CSNK1A1: variants seen among roughly 807,000 people sequenced by gnomAD.
CSNK1A1 encodes casein kinase 1 alpha 1, also known as casein kinase I isoform alpha.
In CSNK1A1, 7 loss-of-function variants were observed where a neutral mutation model predicts 46.1. The ratio of observed to expected loss-of-function variants is 0.15; its 90% CI spans 0.09 to 0.29. CSNK1A1 has a LOEUF of 0.29. Among genes scored for constraint, CSNK1A1 ranks in the 10% least tolerant of loss-of-function variants. The pLI, the probability that CSNK1A1 is intolerant of heterozygous loss-of-function variation, is 1.00. For synonymous variants in CSNK1A1, 137 were observed against 141.5 expected (o/e 0.97, Z 0.23); for missense variants, 96 against 417.1 (o/e 0.23, Z 6.71).
intron 4 of CSNK1A1, among the ~76,000 whole-genome samples, chr5:149,518,458 A>G (rs1344852101): frequency 6.6e-6 from 1 of 152,156 alleles, no homozygotes; most frequent in African/African-American, 2.4e-5. Context: ...CATGAATAGA[A>G]AACTACTGGA....
chr5:149,518,549 T>G (rs937448638), intron 4 of CSNK1A1, among the ~76,000 whole-genome samples: 1 of 152,124 alleles, frequency 6.6e-6, no homozygotes, highest in African/African-American at 2.4e-5. Context: ...ATCAACTACA[T>G]AAACAAAACA....
At chr5:149,534,372 C>T (rs1017476854) in intron 2 of CSNK1A1, among the ~76,000 whole-genome samples, 5 of 150,550 alleles carry the variant, frequency 3.3e-5, no homozygotes, top group Non-Finnish European at 7.4e-5. Flanking sequence ...GTCCCAGCTA[C>T]TCTCGGGAGG....
At chr5:149,499,011 T>G in intron 9 of CSNK1A1, 2 of 985,450 alleles carry the variant, frequency 2.0e-6, no homozygotes, top group Non-Finnish European at 2.4e-6. Flanking sequence ...CAAATCCAGC[T>G]TTAACTCTTC....
At chr5:149,505,630 A>C (rs1477136284) in intron 8 of CSNK1A1, 35 bp from the exon 9 acceptor site, 1 of 1,572,510 alleles carries the variant, frequency 6.4e-7, no homozygotes, top group Non-Finnish European at 8.7e-7. Flanking sequence ...TTAATCCTTT[A>C]ATAACAGAGT....
Position 149,550,767 on chromosome 5 carries a change from T to C in CSNK1A1, c.123+75A>G, listed in dbSNP as rs1762633084. ...TGCGATGAGGAGAGGCCCGAGCACTTTGGGGGTGCACGGTGGTGGTGGGGG... is the reference window on the plus strand; with the variant it reads ...TGCGATGAGGAGAGGCCCGAGCACTCTGGGGGTGCACGGTGGTGGTGGGGG... On this transcript the variant is annotated intron_variant, in intron 1 of 9. Coordinates refer to ENST00000377843, the MANE Select transcript of CSNK1A1 (RefSeq NM_001892.6). The surrounding 1 kb of genome is among the most constrained non-coding windows in gnomAD (Gnocchi z 4.3). 18 of 1,599,476 alleles carry C rather than the reference T, an allele frequency of 1.1e-5. No individual in the cohort carries two copies. Among genetic ancestry groups the C allele is most frequent in the Non-Finnish European group, 1.2e-5 (14 of 1,170,488 alleles).
chr5:149,509,322 A>G (rs561895466), intron 7 of CSNK1A1, among the ~76,000 whole-genome samples: 1 of 152,338 alleles, frequency 6.6e-6, no homozygotes, highest in Admixed American at 6.5e-5. Context: ...ACCTAATTCA[A>G]TGTTACAAGT....
intron 2 of CSNK1A1, among the ~76,000 whole-genome samples, chr5:149,544,758 T>TATATATATATATATATACATATACAC (rs150989849): frequency 7.7e-6 from 1 of 129,284 alleles, no homozygotes; most frequent in African/African-American, 3.2e-5. Flanking sequence ...TATATATATA[T>TATATATATATATATATACATATACAC]ATATATAGTT....
chr5:149,525,490 T>G lies in CSNK1A1; in HGVS notation c.231-319A>C, dbSNP rs867528913. Among the ~76,000 whole-genome samples the G allele has an allele frequency of 6.6e-6, 1 of 152,214 alleles. No individual in the cohort carries two copies. Among genetic ancestry groups the G allele is most frequent in the Non-Finnish European group, 1.5e-5 (1 of 68,042 alleles). On this transcript the variant is annotated intron_variant, in intron 2 of 9. Coordinates refer to ENST00000377843, the MANE Select transcript of CSNK1A1 (RefSeq NM_001892.6). The surrounding 1 kb of genome is among the most constrained non-coding windows in gnomAD (Gnocchi z 4.2). ...ATTCCTATGGCCTTTACCAAATTCCTTAATCTCACCTGAATTTACTTTGTA... is the reference window on the plus strand; with the variant it reads ...ATTCCTATGGCCTTTACCAAATTCCGTAATCTCACCTGAATTTACTTTGTA...
chr5:149,539,020 A>C (rs116834536), intron 2 of CSNK1A1, among the ~76,000 whole-genome samples: 51 of 152,172 alleles, frequency 3.4e-4, no homozygotes, highest in Admixed American at 5.2e-4. Context: ...AACACAAGAT[A>C]CCTCTATGAG....
Position 149,550,323 on chromosome 5 carries a change from A to C in CSNK1A1, c.124-142T>G. 1 of 1,447,682 alleles carries C rather than the reference A, an allele frequency of 6.9e-7. No homozygotes were observed. The highest frequency in any genetic ancestry group is 9.0e-7 in the Non-Finnish European group (1 of 1,105,566). The allele number at this position is 1,447,682 out of a possible 1,614,324, so 89.7% of individuals were successfully genotyped here. A position where few individuals can be genotyped will look rare whatever the true frequency, so the allele number is the denominator to read the frequency against. ...TGGAAAGAGAAAGCTCTCGGTAATT[A>C]TAAAACGAGGCAACCAGCCTCAAAG... On this transcript the variant is annotated intron_variant, in intron 1 of 9. Transcript: ENST00000377843. This position sits in a 1 kb window ranked among gnomAD's most constrained non-coding sequence, Gnocchi z 4.3.
chr5:149,509,204 G>A (rs1239682738), intron 7 of CSNK1A1, among the ~76,000 whole-genome samples: 1 of 150,880 alleles, frequency 6.6e-6, no homozygotes, highest in Non-Finnish European at 1.5e-5. Context: ...CCTCAACTGT[G>A]AGCCACTGTG....
rs1457090300 is a variant in CSNK1A1, at chr5:149,513,059, T to C, written c.596+11A>G. 1.2e-6 allele frequency: 2 copies of C among 1,612,990 alleles called. No homozygotes were observed. Among genetic ancestry groups the C allele is most frequent in the African/African-American group, 1.3e-5 (1 of 74,882 alleles). On this transcript the variant is annotated intron_variant, in intron 5 of 9. Coordinates refer to ENST00000377843, the MANE Select transcript of CSNK1A1 (RefSeq NM_001892.6). ...ATGGCTATGATAAGCACATTCCATT[T>C]TCGAACTTACCTCTGCTCAATACCA...
chr5:149,511,612 G>C (rs1761226406), intron 6 of CSNK1A1, among the ~76,000 whole-genome samples, 182 bp downstream of exon 6: 1 of 152,118 alleles, frequency 6.6e-6, no homozygotes, highest in Non-Finnish European at 1.5e-5. Context: ...GCTGAACTAA[G>C]TTCTTACTAA....
At chr5:149,538,905 A>G (rs1263590386) in intron 2 of CSNK1A1, among the ~76,000 whole-genome samples, 1 of 149,678 alleles carries the variant, frequency 6.7e-6, no homozygotes, top group Non-Finnish European at 1.5e-5. Context: ...TTGGGCAACA[A>G]GAGCGAAACT....
At chr5:149,529,987 A>G (rs1761839489) in intron 2 of CSNK1A1, among the ~76,000 whole-genome samples, 1 of 152,222 alleles carries the variant, frequency 6.6e-6, no homozygotes. Flanking sequence ...TTTAAGTATT[A>G]CTATGAGACC....
chr5:149,548,841 G>A (rs549866457), intron 2 of CSNK1A1, among the ~76,000 whole-genome samples: 4 of 152,290 alleles, frequency 2.6e-5, no homozygotes, highest in East Asian at 1.9e-4. Context: ...CCACAAGAGC[G>A]AAAACTCCGT....
At chr5:149,545,660 T>TG (rs1287076617) in intron 2 of CSNK1A1, 1 of 834,916 alleles carries the variant, frequency 1.2e-6, no homozygotes, top group Non-Finnish European at 1.9e-6. Context: ...CTCATTGCCT[T>TG]GGCATTGTTG....
intron 2 of CSNK1A1, among the ~76,000 whole-genome samples, chr5:149,537,695 C>A: frequency 6.6e-6 from 1 of 150,944 alleles, no homozygotes; most frequent in East Asian, 1.9e-4. Flanking sequence ...TTTACAAACT[C>A]TATAAGTGGT....
intron 2 of CSNK1A1, among the ~76,000 whole-genome samples, chr5:149,549,112 C>T (rs1389769853): frequency 6.6e-6 from 1 of 152,176 alleles, no homozygotes; most frequent in Non-Finnish European, 1.5e-5. Context: ...ATATTCCACA[C>T]CAACAAAGGC....
Sources: allele counts gnomAD v4.1 joint callset (sites outside exome capture counted in the v4.1 genomes callset), GRCh38; gene constraint gnomAD v4.1.1; non-coding constraint Gnocchi (gnomAD v3.1); transcripts MANE v1.5; gene names NCBI Gene and HGNC (gene_info 2026-07-23, HGNC 2026-07-21).